Variants in DTNA observed in about 807,000 individuals in gnomAD.
DTNA encodes the protein dystrobrevin alpha.
DTNA carries 43 observed loss-of-function variants against 100.7 expected under a neutral mutation model. The observed-to-expected ratio is 0.43, with a 90% CI of 0.33 to 0.55. The LOEUF (loss-of-function observed/expected upper bound fraction) is 0.55. Ranked by LOEUF, DTNA falls within the 20% of genes least tolerant of loss-of-function variation. The pLI is 0.04. For synonymous variants in DTNA, 349 were observed against 347.9 expected, an observed-to-expected ratio of 1.00 and a Z score of -0.04; for missense variants, 798 against 953.9, an observed-to-expected ratio of 0.84 and a Z score of 2.15.
rs1430737835 is a variant in DTNA, at chr18:34,882,213, C to T, written c.2295+12C>T. 1 of 1,613,444 alleles carries T rather than the reference C, an allele frequency of 6.2e-7. No homozygotes were observed. The highest frequency in any genetic ancestry group is 2.2e-5 in the East Asian group (1 of 44,838). On this transcript the variant is annotated intron_variant, in intron 21 of 22. Transcript: ENST00000444659. The stretch of plus-strand genomic sequence containing the variant: ...ATGAAGCTTATCAGGTACAGGGATC[C>T]AGGCCCACCCCACCCCACCTCTTCT...
chr18:34,884,861 C>G (rs2096907339), intron 22 of DTNA, 85 bp downstream of exon 22: 2 of 1,457,238 alleles, frequency 1.4e-6, no homozygotes, highest in East Asian at 2.3e-5. Context: ...AATCACTTCT[C>G]TTAGTCATTT....
intron 1 of DTNA, among the ~76,000 whole-genome samples, chr18:34,638,371 C>T (rs537223947): frequency 1.1e-3 from 173 of 152,178 alleles, no homozygotes; most frequent in Non-Finnish European, 1.9e-3. Context: ...TAATTATTTC[C>T]GTGTTATAGA....
intron 1 of DTNA, among the ~76,000 whole-genome samples, chr18:34,639,985 C>G (rs2059094605): frequency 6.6e-6 from 1 of 152,128 alleles, no homozygotes; most frequent in African/African-American, 2.4e-5. Flanking sequence ...ATTATTTTCG[C>G]CTAGCCCAGT....
intron 3 of DTNA, among the ~76,000 whole-genome samples, chr18:34,784,295 T>A (rs961190147): frequency 2.0e-5 from 3 of 152,190 alleles, no homozygotes; most frequent in African/African-American, 7.2e-5. Flanking sequence ...ATTGAAAAAT[T>A]AAGAGTGTTA....
intron 21 of DTNA, 49 bp from the exon 22 acceptor site, chr18:34,884,677 TCA>T (rs776377375): frequency 6.2e-7 from 1 of 1,604,918 alleles, no homozygotes; most frequent in Admixed American, 1.7e-5. Context: ...CTTGACTGCA[TCA>T]CAGACTTGAC....
chr18:34,522,691 G>A (rs1050805042), intron 1 of DTNA, among the ~76,000 whole-genome samples: 1 of 152,158 alleles, frequency 6.6e-6, no homozygotes, highest in African/African-American at 2.4e-5. Flanking sequence ...GTGGTCAAGT[G>A]CAAATAGACC....
chr18:34,722,263 A>G (rs2085501582), intron 1 of DTNA, among the ~76,000 whole-genome samples: 2 of 152,164 alleles, frequency 1.3e-5, no homozygotes, highest in African/African-American at 2.4e-5. Context: ...CTATAATCAC[A>G]ATTAAGTTGA....
Position 34,689,905 on chromosome 18 carries a change from C to G in DTNA, c.-1-66071C>G, listed in dbSNP as rs1433412742. On this transcript the variant is annotated intron_variant, in intron 1 of 19. Transcript: ENST00000283365. The stretch of plus-strand genomic sequence containing the variant: ...GTGGCTTTGAGGTGTTGTGGTGGGC[C>G]CCACCCAGTCTGAACTCCCAGTGGC... 3.3e-5 allele frequency among the ~76,000 whole-genome samples: 5 copies of G among 152,182 alleles called. No homozygotes were observed. In the East Asian group the frequency reaches 5.8e-4, roughly 18 times the overall value.
intron 3 of DTNA, among the ~76,000 whole-genome samples, chr18:34,782,143 G>T (rs746481622): frequency 1.3e-5 from 2 of 152,192 alleles, no homozygotes; most frequent in African/African-American, 2.4e-5. Flanking sequence ...CATCCAGTAG[G>T]TGCCCTACTC....
At chr18:34,641,471 G>T (rs775129737) in intron 1 of DTNA, among the ~76,000 whole-genome samples, 1 of 152,176 alleles carries the variant, frequency 6.6e-6, no homozygotes, top group Non-Finnish European at 1.5e-5. Context: ...GAACCTGGCC[G>T]ATCAGGCCTA....
At chr18:34,778,708 A>G (rs775195053) in intron 3 of DTNA, among the ~76,000 whole-genome samples, 11 of 152,262 alleles carry the variant, frequency 7.2e-5, no homozygotes, top group Non-Finnish European at 1.3e-4. Flanking sequence ...AGTGACCTTC[A>G]TGGTACCCCT....
At chr18:34,597,855 T>G (rs2050963426) in intron 1 of DTNA, among the ~76,000 whole-genome samples, 1 of 142,888 alleles carries the variant, frequency 7.0e-6, no homozygotes, top group Non-Finnish European at 1.5e-5. Flanking sequence ...ATAAGTCACC[T>G]TCACTGTACT....
chr18:34,523,868 G>C (rs1286629615), intron 1 of DTNA, among the ~76,000 whole-genome samples: 1 of 151,936 alleles, frequency 6.6e-6, no homozygotes, highest in African/African-American at 2.4e-5. Context: ...TTTTGATTTT[G>C]CTAATTAAAT....
intron 1 of DTNA, among the ~76,000 whole-genome samples, chr18:34,606,651 G>A (rs914433133): frequency 5.3e-5 from 8 of 152,104 alleles, no homozygotes; most frequent in Non-Finnish European, 1.0e-4. Context: ...ACAGTATAAA[G>A]GTGCCCAGAG....
intron 1 of DTNA, among the ~76,000 whole-genome samples, chr18:34,602,945 G>A (rs1194477176): frequency 6.6e-6 from 1 of 151,920 alleles, no homozygotes; most frequent in Non-Finnish European, 1.5e-5. Context: ...AGAGGTTGCA[G>A]TGAACCGAGA....
chr18:34,597,703 A>G (rs554763113), intron 1 of DTNA, among the ~76,000 whole-genome samples: 4 of 152,264 alleles, frequency 2.6e-5, no homozygotes, highest in Admixed American at 2.6e-4. Context: ...TCAATCACAT[A>G]CAATGGCTGC....
At chr18:34,657,363 G>T (rs1460265265) in intron 1 of DTNA, among the ~76,000 whole-genome samples, 2 of 152,178 alleles carry the variant, frequency 1.3e-5, no homozygotes, top group South Asian at 4.2e-4. Context: ...CACTTGTCAA[G>T]AATTTGAATT....
intron 1 of DTNA, among the ~76,000 whole-genome samples, chr18:34,646,378 A>G (rs2059838279): frequency 6.6e-6 from 1 of 152,202 alleles, no homozygotes; most frequent in Admixed American, 6.5e-5. Flanking sequence ...AAGAAACCAT[A>G]TCTGTTATAT....
chr18:34,827,761 C>T (rs1015327883), intron 10 of DTNA, 85 bp downstream of exon 10: 111 of 1,336,138 alleles, frequency 8.3e-5, no homozygotes, highest in Non-Finnish European at 1.1e-4. Flanking sequence ...CTCATGCAAG[C>T]CAAGGGCAGA....
Sources: gnomAD v4.1 joint callset for allele counts (sites outside exome capture counted in the v4.1 genomes callset) on GRCh38, gnomAD v4.1.1 for gene constraint, MANE v1.5 for transcripts, NCBI Gene and HGNC (gene_info 2026-07-23, HGNC 2026-07-21) for gene names.